The following VPS13C variants were observed in gnomAD, a reference collection of about 807,000 sequenced individuals.
VPS13C encodes the protein vacuolar protein sorting 13 homolog C, also known as intermembrane lipid transfer protein VPS13C.
VPS13C carries 358 observed loss-of-function variants against 456.8 expected under a neutral mutation model. The ratio of observed to expected loss-of-function variants is 0.78; its 90% CI spans 0.72 to 0.86. The LOEUF is 0.86. VPS13C is among the 40% of genes least tolerant of loss of function. The pLI is 0.00. For synonymous variants in VPS13C, 1,578 were observed against 1,486.7 expected (o/e 1.06, Z -1.41); for missense variants, 4,818 against 4,385.4 (o/e 1.10, Z -2.79).
intron 53 of VPS13C, among the ~76,000 whole-genome samples, chr15:61,924,884 T>A (rs1385525651): frequency 1.3e-5 from 2 of 152,158 alleles, no homozygotes; most frequent in Non-Finnish European, 2.9e-5. Flanking sequence ...GTATTCTATA[T>A]CTTCTATTCG....
Position 61,991,081 on chromosome 15 carries a change from A to C in VPS13C, c.1497T>G (p.Leu499=), listed in dbSNP as rs139956533. The C allele has an allele frequency of 4.4e-6, 7 of 1,609,106 alleles. No homozygotes were observed. The South Asian group carries it at 7.8e-5, about 18-fold the overall frequency. Residue 499 remains leucine, a synonymous_variant, in exon 18 of 85, where the codon CTT becomes CTG. Transcript: ENST00000644861. ...GTTTATCTTTTTCCTCTGGAGTCAT[A>C]AGGTCATCAATAGCTATGAAAAAAC... ...ESLIPETIDD[L]MTPEEKDKLF...
In VPS13C at chr15:61,964,709, A is replaced by G; in HGVS notation, c.3204T>C (p.Thr1068=). The change falls in exon 31 of 85, where the codon ACT becomes ACC. Residue 1068 remains threonine (T), a synonymous_variant. Transcript: ENST00000644861. The part of the protein sequence containing the change: ...ISTEKQQKNS[T]LPKAIVSSRD... Reference sequence around the variant, plus strand: ...ATGTATGTTTCATACCTTTTGGCAGAGTTGAATTTTTTTGTTGTTTTTCAG... The same window carrying G: ...ATGTATGTTTCATACCTTTTGGCAGGGTTGAATTTTTTTGTTGTTTTTCAG... The G allele has an allele frequency of 6.2e-7, 1 of 1,600,264 alleles. No individual in the cohort carries two copies.
At chr15:62,022,065 C>T (rs987735553) in intron 8 of VPS13C, among the ~76,000 whole-genome samples, 1 of 151,810 alleles carries the variant, frequency 6.6e-6, no homozygotes, top group African/African-American at 2.4e-5. Context: ...GGGCAATCTT[C>T]TCTATAGTGA....
chr15:62,045,643 T>C (rs1242388563), intron 1 of VPS13C, among the ~76,000 whole-genome samples: 1 of 152,100 alleles, frequency 6.6e-6, no homozygotes, highest in Admixed American at 6.5e-5. Context: ...AAAATATATA[T>C]AACAGAGATT....
chr15:61,959,653 T>TA lies in VPS13C; in HGVS notation c.3909-59dup, dbSNP rs532133120. The TA allele has an allele frequency of 2.8e-4, 437 of 1,536,094 alleles. 1 individual carries two copies. The African/African-American group carries it at 4.0e-3, about 14-fold the overall frequency. On this transcript the variant is annotated intron_variant, in intron 35 of 84. Transcript: ENST00000644861. The stretch of plus-strand genomic sequence containing the variant: ...GATATAGGGTAGAAATGCAACATAT[T>TA]AAAAAAAAGCAAAGTCAAGCAGTTA...
intron 3 of VPS13C, among the ~76,000 whole-genome samples, chr15:62,038,745 A>T (rs2048145807): frequency 6.6e-6 from 1 of 152,230 alleles, no homozygotes; most frequent in African/African-American, 2.4e-5. Context: ...CAAGGAACTC[A>T]AACAACTGAA....
intron 82 of VPS13C, 122 bp from the exon 83 acceptor site, chr15:61,856,531 TAAAAA>T: frequency 1.1e-6 from 1 of 909,658 alleles, no homozygotes; most frequent in Middle Eastern, 2.4e-4. Flanking sequence ...AAACTGGCAC[TAAAAA>T]AAAAACCTGC....
chr15:61,919,942 C>T (rs2043595140), intron 57 of VPS13C, 125 bp downstream of exon 57: 1 of 927,582 alleles, frequency 1.1e-6, no homozygotes, highest in Admixed American at 3.0e-5. Context: ...AAGAGGTTAG[C>T]AATTATATGT....
At chr15:61,992,269 A>T (rs931558080) in intron 16 of VPS13C, among the ~76,000 whole-genome samples, 12 of 152,326 alleles carry the variant, frequency 7.9e-5, no homozygotes, top group East Asian at 3.9e-4. Flanking sequence ...AAATTAAAAT[A>T]GTCCTTAAAT....
intron 13 of VPS13C, among the ~76,000 whole-genome samples, chr15:62,009,216 T>C (rs1175411184): frequency 6.6e-6 from 1 of 152,200 alleles, no homozygotes; most frequent in Non-Finnish European, 1.5e-5. Context: ...TTGAAATTAC[T>C]GCAAAAAATT....
chr15:61,977,578 A>G (rs1275622815), intron 23 of VPS13C, among the ~76,000 whole-genome samples: 1 of 151,988 alleles, frequency 6.6e-6, no homozygotes, highest in East Asian at 1.9e-4. Flanking sequence ...GAAAAAAGAA[A>G]AAGAAGTATG....
intron 13 of VPS13C, 86 bp downstream of exon 13, chr15:62,010,386 C>T: frequency 7.5e-7 from 1 of 1,333,754 alleles, no homozygotes; most frequent in South Asian, 2.5e-5. Flanking sequence ...CAAAAAACCA[C>T]CAACCACTAG....
chr15:62,048,514 T>C (rs986476724), intron 1 of VPS13C, among the ~76,000 whole-genome samples: 7 of 152,332 alleles, frequency 4.6e-5, no homozygotes, highest in African/African-American at 1.7e-4. Context: ...TGTTGGACAC[T>C]TGGGTTGGTT....
chr15:61,981,803 C>A (rs2045897310), intron 21 of VPS13C, among the ~76,000 whole-genome samples: 1 of 151,978 alleles, frequency 6.6e-6, no homozygotes, highest in Middle Eastern at 3.2e-3. Context: ...GCGGAGCTTG[C>A]AGTGAGCTGA....
At position 61,972,624 on chromosome 15, in the gene VPS13C, C is replaced by G; in HGVS notation, c.2757+1G>C. On this transcript the variant is annotated splice_donor_variant, in intron 27 of 84. Coordinates refer to ENST00000644861, the MANE Select transcript of VPS13C (RefSeq NM_020821.3). LOFTEE classifies it high-confidence loss of function. ...CTATTTATAGACAAAAAAGCACATA[C>G]TTCTTTAATTTCAAACTTGAGTAGA... 2 of 1,612,150 alleles carry G rather than the reference C, an allele frequency of 1.2e-6. No individual in the cohort carries two copies. Among genetic ancestry groups the G allele is most frequent in the Non-Finnish European group, 1.7e-6 (2 of 1,179,370 alleles).
At chr15:61,866,697 G>A in intron 81 of VPS13C, 1 of 985,126 alleles carries the variant, frequency 1.0e-6, no homozygotes, top group Non-Finnish European at 1.2e-6. Context: ...TGTTATACTT[G>A]GTCCCTTAAG....
At chr15:61,957,517 A>T (rs1475109583) in intron 37 of VPS13C, among the ~76,000 whole-genome samples, 1 of 152,154 alleles carries the variant, frequency 6.6e-6, no homozygotes, top group Non-Finnish European at 1.5e-5. Context: ...TTCACTTAGC[A>T]CATGGTCCAA....
chr15:61,963,684 T>C (rs2045287985), intron 32 of VPS13C, 151 bp downstream of exon 32: 1 of 604,288 alleles, frequency 1.7e-6, no homozygotes, highest in Non-Finnish European at 2.9e-6. Flanking sequence ...AATATCTATA[T>C]CCCAAATAGA....
At chr15:62,016,957 C>G (rs1455612773) in intron 9 of VPS13C, among the ~76,000 whole-genome samples, 1 of 152,090 alleles carries the variant, frequency 6.6e-6, no homozygotes, top group African/African-American at 2.4e-5. Flanking sequence ...TTTCAATGAT[C>G]GCCATTCTAA....
Sources: allele counts gnomAD v4.1 joint callset (sites outside exome capture counted in the v4.1 genomes callset), GRCh38; gene constraint gnomAD v4.1.1; transcripts MANE v1.5; gene names NCBI Gene and HGNC (gene_info 2026-07-23, HGNC 2026-07-21).